The following EPS15L1 variants were observed in gnomAD, a reference collection of about 807,000 sequenced individuals.
EPS15L1 encodes the protein epidermal growth factor receptor pathway substrate 15 like 1.
A neutral mutation model predicts 117.1 loss-of-function variants in EPS15L1; 43 were observed. That is an observed-to-expected ratio of 0.37 (90% CI 0.29 to 0.47). The LOEUF (loss-of-function observed/expected upper bound fraction) is 0.47. Among genes scored for constraint, EPS15L1 ranks in the 20% least tolerant of loss-of-function variants. The pLI is 0.99. For synonymous variants in EPS15L1, 459 were observed against 470.5 expected, an observed-to-expected ratio of 0.98 and a Z score of 0.32; for missense variants, 981 against 1,164.0, an observed-to-expected ratio of 0.84 and a Z score of 2.29.
At chr19:16,433,412 G>C (rs1413952000) in intron 7 of EPS15L1, among the ~76,000 whole-genome samples, 1 of 152,080 alleles carries the variant, frequency 6.6e-6, no homozygotes, top group Non-Finnish European at 1.5e-5. Flanking sequence ...GATTACGGGC[G>C]TGAGCCACCG....
chr19:16,401,673 C>T (rs1599584552), intron 16 of EPS15L1: 1 of 985,430 alleles, frequency 1.0e-6, no homozygotes, highest in South Asian at 4.7e-5. Flanking sequence ...GTCTTGGTAT[C>T]AGGGGCTCAA....
chr19:16,428,827 C>A, intron 7 of EPS15L1, 66 bp from the exon 8 acceptor site: 1 of 1,309,348 alleles, frequency 7.6e-7, no homozygotes. Flanking sequence ...AGACCACCTG[C>A]CGGAACTCAG....
chr19:16,437,187 G>A (rs185041907), intron 5 of EPS15L1, 188 bp from the exon 6 acceptor site: 49 of 582,520 alleles, frequency 8.4e-5, no homozygotes, highest in African/African-American at 4.8e-4. Context: ...AATTAAAAAC[G>A]GATGTCCAAA....
chr19:16,368,288 C>T (rs1171892759), intron 22 of EPS15L1, among the ~76,000 whole-genome samples: 2 of 152,130 alleles, frequency 1.3e-5, no homozygotes, highest in Non-Finnish European at 2.9e-5. Flanking sequence ...TCCTACACAA[C>T]AGTGGACGCA....
intron 1 of EPS15L1, among the ~76,000 whole-genome samples, chr19:16,464,619 A>C (rs991133850): frequency 7.9e-5 from 12 of 152,214 alleles, no homozygotes; most frequent in Admixed American, 5.2e-4. Flanking sequence ...GCTCTGGCTC[A>C]GTCCTCTTTG....
rs1441169368 is a variant in EPS15L1 at position 16,402,464 on chromosome 19, G to T, written c.1648C>A (p.Leu550Met). The T allele has an allele frequency of 6.2e-7, 1 of 1,607,716 alleles. No individual in the cohort carries two copies. Among genetic ancestry groups the T allele is most frequent in the African/African-American group, 1.3e-5 (1 of 74,706 alleles). Residue 550 changes from leucine (L) to methionine (M), a missense_variant, in exon 16 of 24, where the codon CTG becomes ATG. By Grantham distance (15) the Leu-to-Met change is conservative. Around this residue, in one of 5 missense-constraint regions of EPS15L1, gnomAD observed 819 missense variants for 949.0 expected, o/e 0.86. Coordinates refer to ENST00000455140, the MANE Select transcript of EPS15L1 (RefSeq NM_001258374.3). ...TGGGCCTCCTGGCGGCTTTCATGCA[G>T]CTGGGAAAGTTTGCTCCTTGCCTGT... ...INQARSKLSQ[L>M]HESRQEAHRS...
intron 22 of EPS15L1, among the ~76,000 whole-genome samples, chr19:16,363,096 C>T (rs1045168024): frequency 6.6e-6 from 1 of 151,978 alleles, no homozygotes; most frequent in Non-Finnish European, 1.5e-5. Flanking sequence ...TGCTTGGTGA[C>T]GGGAGGTCCC....
intron 7 of EPS15L1, among the ~76,000 whole-genome samples, chr19:16,431,800 G>A (rs763506006): frequency 6.6e-5 from 10 of 152,126 alleles, no homozygotes; most frequent in African/African-American, 1.4e-4. Context: ...AAACCACCAC[G>A]TGGACCCCAC....
chr19:16,468,706 G>T (rs530235981), intron 1 of EPS15L1, among the ~76,000 whole-genome samples: 1 of 150,036 alleles, frequency 6.7e-6, no homozygotes, highest in African/African-American at 2.5e-5. Context: ...TGGAACAGGG[G>T]AATATGTTTT....
Position 16,402,323 on chromosome 19 carries a change from T to A in EPS15L1, c.1789A>T (p.Met597Leu). The A allele has an allele frequency of 6.2e-7, 1 of 1,606,654 alleles. No homozygotes were observed. The highest frequency in any genetic ancestry group is 8.5e-7 in the Non-Finnish European group (1 of 1,177,170). Residue 597 changes from methionine (M) to leucine (L), a missense_variant and splice_region_variant, in exon 16 of 24, where the codon ATG becomes TTG. Met to Leu is a conservative substitution (Grantham distance 15). Around this residue, in one of 5 missense-constraint regions of EPS15L1, gnomAD observed 819 missense variants for 949.0 expected, o/e 0.86. Transcript: ENST00000455140. Reference protein sequence around the residue: ...SLAERGSFGAMDDPFKNKALL... With the variant: ...SLAERGSFGALDDPFKNKALL... ...TAATACGTTTATTCAACCTTTACCA[T>A]GGCTCCAAAACTGCCCCTCTCTGCC...
intron 13 of EPS15L1, among the ~76,000 whole-genome samples, chr19:16,408,969 C>T (rs943088638): frequency 3.9e-5 from 6 of 152,150 alleles, no homozygotes; most frequent in African/African-American, 1.4e-4. Context: ...CACCTGTAAT[C>T]CCAACACTTT....
At chr19:16,369,016 G>A (rs2092182009) in intron 22 of EPS15L1, among the ~76,000 whole-genome samples, 1 of 152,210 alleles carries the variant, frequency 6.6e-6, no homozygotes, top group South Asian at 2.1e-4. Context: ...CGGGGAGAGG[G>A]GAGAAAGAAA....
chr19:16,464,781 G>A (rs1234907785), intron 1 of EPS15L1, among the ~76,000 whole-genome samples: 1 of 114,722 alleles, frequency 8.7e-6, no homozygotes, highest in Non-Finnish European at 1.9e-5. Flanking sequence ...AATGATAGCT[G>A]ATGAGCTTTA....
chr19:16,380,749 T>C (rs1054973936), intron 21 of EPS15L1, among the ~76,000 whole-genome samples: 3 of 152,220 alleles, frequency 2.0e-5, no homozygotes, highest in Non-Finnish European at 4.4e-5. Context: ...GTCTCTACAA[T>C]TTAGTTGCAC....
chr19:16,413,963 G>C (rs1236712547), intron 12 of EPS15L1, 118 bp from the exon 13 acceptor site: 2 of 737,688 alleles, frequency 2.7e-6, no homozygotes, highest in Non-Finnish European at 4.7e-6. Context: ...AGAAGTCTAA[G>C]AATGAGACCC....
rs2092215982 is a variant in EPS15L1 at position 16,370,925 on chromosome 19, T to C, written c.2380+6197A>G. 6.6e-6 allele frequency among the ~76,000 whole-genome samples: 1 copy of C among 152,082 alleles called. No individual in the cohort carries two copies. Among genetic ancestry groups the C allele is most frequent in the South Asian group, 2.1e-4 (1 of 4,824 alleles). On this transcript the variant is annotated intron_variant, in intron 22 of 23. Coordinates refer to ENST00000455140, the MANE Select transcript of EPS15L1 (RefSeq NM_001258374.3). This position sits in a 1 kb window ranked among gnomAD's most constrained non-coding sequence, Gnocchi z 5.2. ...CCGTTTTAGGCTCCTTGGGACCCCC[T>C]CCCCATCCTGGCTGGCAGGCAAGTG...
At position 16,404,612 on chromosome 19, in the gene EPS15L1, C is replaced by T. The variant is rs775627701; in HGVS notation, c.1404G>A (p.Gln468=). ...KLRDMLSDVR[Q]KCQDETQMIS... is the part of the protein sequence containing the mutation. ...CCATCTGAGTCTCATCCTGGCACTT[C>T]TGCCGGACGTCGCTCAGCATGTCTC... The change falls in exon 14 of 24, where the codon CAG becomes CAA. Residue 468 remains glutamine (Q), a synonymous_variant. Coordinates refer to ENST00000455140, the MANE Select transcript of EPS15L1 (RefSeq NM_001258374.3). The surrounding 1 kb of genome is among the most constrained non-coding windows in gnomAD (Gnocchi z 4.2). 6.2e-7 allele frequency: 1 copy of T among 1,614,218 alleles called. No homozygotes were observed. Among genetic ancestry groups the T allele is most frequent in the Non-Finnish European group, 8.5e-7 (1 of 1,180,038 alleles).
rs151197144 is a variant in EPS15L1 at position 16,395,501 on chromosome 19, T to C, written c.1792-34A>G. 2.3e-4 allele frequency: 370 copies of C among 1,606,546 alleles called. 2 individuals carry two copies. The Middle Eastern group carries it at 3.0e-3, about 13-fold the overall frequency. ...TTGTGAAGAAACAGGACAGGGATTT[T>C]ATTATTTCTGAGTTAAAGCAAAGTA... is the stretch of plus-strand genomic sequence containing the variant. On this transcript the variant is annotated intron_variant, in intron 16 of 23. Transcript: ENST00000455140.
chr19:16,402,422 A>T lies in EPS15L1; in HGVS notation c.1690T>A (p.Tyr564Asn), dbSNP rs373743903. The T allele has an allele frequency of 6.2e-7, 1 of 1,614,042 alleles. No individual in the cohort carries two copies. The change falls in exon 16 of 24, where the codon TAT becomes AAT. Residue 564 changes from tyrosine (Y) to asparagine (N), a missense_variant. Around this residue, in one of 5 missense-constraint regions of EPS15L1, gnomAD observed 819 missense variants for 949.0 expected, o/e 0.86. Transcript: ENST00000455140. ...RQEAHRSLEQ[Y>N]DQVLDGAHGA... ...TGGGCTCCATCGAGCACCTGGTCAT[A>T]CTGCTCCAGGCTCCTGTGGGCCTCC...
Sources: gnomAD v4.1 joint callset for allele counts (sites outside exome capture counted in the v4.1 genomes callset) on GRCh38, gnomAD v4.1.1 for gene constraint, gnomAD v4.1.1 regional missense constraint, Gnocchi (gnomAD v3.1) non-coding constraint, MANE v1.5 for transcripts, NCBI Gene and HGNC (gene_info 2026-07-23, HGNC 2026-07-21) for gene names.